Variants in CNTF observed in about 807,000 individuals in gnomAD.
CNTF encodes Ciliary Neuronotrophic Factor.
In CNTF, 14 loss-of-function variants were observed where a neutral mutation model predicts 13.0. The ratio of observed to expected loss-of-function variants is 1.07; its 90% CI spans 0.71 to 1.68. CNTF has a LOEUF of 1.68. CNTF is among the 40% of genes most tolerant of loss of function. The pLI is 0.00. For missense variants in CNTF, 283 were observed against 252.5 expected (o/e 1.12, Z -0.82); for synonymous variants, 98 against 92.4 (o/e 1.06, Z -0.35).
rs1215052720 is a variant in CNTF, at chr11:58,625,407, G to A, written c.*885G>A. 1 of 152,142 alleles carries A rather than the reference G, an allele frequency of 6.6e-6. No individual in the cohort carries two copies. Among genetic ancestry groups the A allele is most frequent in the African/African-American group, 2.4e-5 (1 of 41,422 alleles). The allele number at this position is 152,142 out of a possible 1,614,324, so 9.4% of individuals were successfully genotyped here. On this transcript the variant is annotated 3_prime_UTR_variant, in exon 2 of 2. Transcript: ENST00000361987. ...GCTGGAGATCTTAAGATTCCATTTT[G>A]GAAAATGATTAGGCCCGCCAAACTT...
Position 58,624,709 on chromosome 11 carries a change from A to G in CNTF, c.*187A>G, listed in dbSNP as rs1167946966. 5 of 632,692 alleles carry G rather than the reference A, an allele frequency of 7.9e-6. No homozygotes were observed. The East Asian group carries it at 1.5e-4, about 19-fold the overall frequency. 39.2% of individuals were successfully genotyped at this position (632,692 alleles called of 1,614,324 possible). ...ATTTTCATCAAGTAGCGTTGGAGAC[A>G]TACACAAATGGGCATACAAGTTTAG... On this transcript the variant is annotated 3_prime_UTR_variant, in exon 2 of 2. Coordinates refer to ENST00000361987, the MANE Select transcript of CNTF (RefSeq NM_000614.4).
rs753993650 is a variant in CNTF at position 58,624,287 on chromosome 11, T to G, written c.368T>G (p.Ile123Arg). The G allele has an allele frequency of 4.6e-5, 75 of 1,613,078 alleles. 1 individual carries two copies. The Admixed American group carries it at 1.2e-3, about 26-fold the overall frequency. The change falls in exon 2 of 2, where the codon ATA becomes AGA. Residue 123 changes from isoleucine (I) to arginine (R), a missense_variant. By Grantham distance (97) the Ile-to-Arg change is moderately conservative. Transcript: ENST00000361987. ...LLQVAAFAYQIEELMILLEYK... is the reference protein window; with the variant it reads ...LLQVAAFAYQREELMILLEYK... ...CAAGTCGCTGCCTTTGCATACCAGA[T>G]AGAGGAGTTAATGATACTCCTGGAA...
chr11:58,624,975 A>G lies in CNTF; in HGVS notation c.*453A>G, dbSNP rs991862502. The stretch of plus-strand genomic sequence containing the variant: ...AGTTGATTTAAACTCTTAGAGAATA[A>G]GAATAATAATGGCTAACTTTTATTA... On this transcript the variant is annotated 3_prime_UTR_variant, in exon 2 of 2. Coordinates refer to ENST00000361987, the MANE Select transcript of CNTF (RefSeq NM_000614.4). The G allele has an allele frequency of 2.3e-5, 4 of 174,438 alleles. No homozygotes were observed. The highest frequency in any genetic ancestry group is 2.8e-3 in the Middle Eastern group (1 of 362). The allele number at this position is 174,438 out of a possible 1,614,324, so 10.8% of individuals were successfully genotyped here.
intron 1 of CNTF, 55 bp from the exon 2 acceptor site, chr11:58,623,979 T>G (rs1350489826): frequency 6.3e-7 from 1 of 1,581,850 alleles, no homozygotes. Flanking sequence ...AGGGGTGATT[T>G]AAGGACACTG....
At position 58,622,852 on chromosome 11, in the gene CNTF, C is replaced by T; in HGVS notation, c.100C>T (p.Leu34Phe). Reference protein sequence around the residue: ...ARKIRSDLTALTESYVKHQGL... With the variant: ...ARKIRSDLTAFTESYVKHQGL... Reference sequence around the variant, plus strand: ...GAAGATTCGTTCAGACCTGACTGCTCTTACGGAATCCTATGTAAGTTGCCT... The same window carrying T: ...GAAGATTCGTTCAGACCTGACTGCTTTTACGGAATCCTATGTAAGTTGCCT... Residue 34 changes from leucine (L) to phenylalanine (F), a missense_variant, in exon 1 of 2, where the codon CTT becomes TTT. Physicochemically the swap from Leu to Phe is conservative, Grantham distance 22. Coordinates refer to ENST00000361987, the MANE Select transcript of CNTF (RefSeq NM_000614.4). The T allele has an allele frequency of 6.2e-7, 1 of 1,613,314 alleles. No homozygotes were observed.
intron 1 of CNTF, among the ~76,000 whole-genome samples, chr11:58,623,818 A>G (rs1407045546): frequency 6.6e-6 from 1 of 152,230 alleles, no homozygotes; most frequent in Admixed American, 6.5e-5. Flanking sequence ...TCTTCTAAGA[A>G]AAATCCATAG....
rs1206490229 is a variant in CNTF at position 58,622,745 on chromosome 11, G to A, written c.-8G>A. 2 of 1,609,044 alleles carry A rather than the reference G, an allele frequency of 1.2e-6. No homozygotes were observed. The highest frequency in any genetic ancestry group is 3.3e-5 in the Admixed American group (2 of 59,956). On this transcript the variant is annotated 5_prime_UTR_variant, in exon 1 of 2. Transcript: ENST00000361987. The stretch of plus-strand genomic sequence containing the variant: ...CTGACTTGTTTCCTGGGACAGTTGA[G>A]TTAAGGGATGGCTTTCACAGAGCAT...
intron 1 of CNTF, 98 bp from the exon 2 acceptor site, chr11:58,623,936 C>A: frequency 6.7e-7 from 1 of 1,490,976 alleles, no homozygotes; most frequent in Non-Finnish European, 9.0e-7. Context: ...GGATCCTTGG[C>A]CAGAGAGATG....
Position 58,624,658 on chromosome 11 carries a change from C to A in CNTF, c.*136C>A. On this transcript the variant is annotated 3_prime_UTR_variant, in exon 2 of 2. Coordinates refer to ENST00000361987, the MANE Select transcript of CNTF (RefSeq NM_000614.4). ...TTTTCTTTCTTTTTTCTCTGACCAC[C>A]TGCAGCCTGTTGAAGGACTACAGGT... is the stretch of plus-strand genomic sequence containing the variant. 1 of 1,014,500 alleles carries A rather than the reference C, an allele frequency of 9.9e-7. No individual in the cohort carries two copies. Among genetic ancestry groups the A allele is most frequent in the Non-Finnish European group, 1.5e-6 (1 of 681,144 alleles). 62.8% of individuals were successfully genotyped at this position (1,014,500 alleles called of 1,614,324 possible).
rs1439391308 is a variant in CNTF, at chr11:58,625,153, ACT to A, written c.*632_*633del. The stretch of plus-strand genomic sequence containing the variant: ...AGCTCACACAGCTAACAAGTAGCAC[ACT>A]GAGTTTGAACACAGATCATTCTCCT... On this transcript the variant is annotated 3_prime_UTR_variant, in exon 2 of 2. Coordinates refer to ENST00000361987, the MANE Select transcript of CNTF (RefSeq NM_000614.4). 1 of 152,752 alleles carries A rather than the reference ACT, an allele frequency of 6.5e-6. No individual in the cohort carries two copies. Among genetic ancestry groups the A allele is most frequent in the Non-Finnish European group, 1.5e-5 (1 of 68,424 alleles). 9.5% of individuals were successfully genotyped at this position (152,752 alleles called of 1,614,324 possible). A position where few individuals can be genotyped will look rare whatever the true frequency, so the allele number is the denominator to read the frequency against.
rs144681807 is a variant in CNTF, at chr11:58,624,667, G to T, written c.*145G>T. The T allele has an allele frequency of 6.8e-6, 6 of 884,014 alleles. No homozygotes were observed. In the South Asian group the frequency reaches 9.4e-5, roughly 14 times the overall value. The allele number at this position is 884,014 out of a possible 1,614,324, so 54.8% of individuals were successfully genotyped here. ...TTTTTTCTCTGACCACCTGCAGCCT[G>T]TTGAAGGACTACAGGTATTTTCATC... is the stretch of plus-strand genomic sequence containing the variant. On this transcript the variant is annotated 3_prime_UTR_variant, in exon 2 of 2. Transcript: ENST00000361987.
chr11:58,623,738 G>A (rs1855886172), intron 1 of CNTF, among the ~76,000 whole-genome samples: 1 of 152,100 alleles, frequency 6.6e-6, no homozygotes, highest in East Asian at 1.9e-4. Context: ...TAATGAGAGA[G>A]TTTGAAGTGA....
At position 58,624,678 on chromosome 11, in the gene CNTF, A is replaced by G. The variant is rs1590637680; in HGVS notation, c.*156A>G. On this transcript the variant is annotated 3_prime_UTR_variant, in exon 2 of 2. Transcript: ENST00000361987. ...ACCACCTGCAGCCTGTTGAAGGACT[A>G]CAGGTATTTTCATCAAGTAGCGTTG... The G allele has an allele frequency of 1.2e-6, 1 of 806,284 alleles. No homozygotes were observed. Among genetic ancestry groups the G allele is most frequent in the Non-Finnish European group, 2.0e-6 (1 of 512,754 alleles). 49.9% of individuals were successfully genotyped at this position (806,284 alleles called of 1,614,324 possible). A position where few individuals can be genotyped will look rare whatever the true frequency, so the allele number is the denominator to read the frequency against.
Position 58,622,871 on chromosome 11 carries a change from G to C in CNTF, c.114+5G>C. 1 of 1,606,630 alleles carries C rather than the reference G, an allele frequency of 6.2e-7. No individual in the cohort carries two copies. Among genetic ancestry groups the C allele is most frequent in the Non-Finnish European group, 8.5e-7 (1 of 1,173,712 alleles). ...ACTGCTCTTACGGAATCCTATGTAA[G>C]TTGCCTATTTTGCTGTTATCTGTTT... On this transcript the variant is annotated splice_donor_5th_base_variant and intron_variant, in intron 1 of 1. Coordinates refer to ENST00000361987, the MANE Select transcript of CNTF (RefSeq NM_000614.4).
intron 1 of CNTF, among the ~76,000 whole-genome samples, chr11:58,623,581 C>T (rs1855884283): frequency 6.6e-6 from 1 of 152,190 alleles, no homozygotes; most frequent in Non-Finnish European, 1.5e-5. Context: ...CCTCACCAGA[C>T]AGAAATCAGA....
At position 58,625,656 on chromosome 11, in the gene CNTF, G is replaced by A. The variant is rs559116329; in HGVS notation, c.*1134G>A. 5.3e-5 allele frequency: 8 copies of A among 152,148 alleles called. No homozygotes were observed. Among genetic ancestry groups the A allele is most frequent in the Non-Finnish European group, 1.2e-4 (8 of 68,032 alleles). The allele number at this position is 152,148 out of a possible 1,614,324, so 9.4% of individuals were successfully genotyped here. A position where few individuals can be genotyped will look rare whatever the true frequency, so the allele number is the denominator to read the frequency against. On this transcript the variant is annotated 3_prime_UTR_variant, in exon 2 of 2. Coordinates refer to ENST00000361987, the MANE Select transcript of CNTF (RefSeq NM_000614.4). The stretch of plus-strand genomic sequence containing the variant: ...TTCTGGACTTAGTCATGAGGAGAGG[G>A]TGAGGCCCACTCTGTTCCTACTGGA...
In CNTF at chr11:58,624,285, G is replaced by A. The variant is rs764457928; in HGVS notation, c.366G>A (p.Gln122=). Residue 122 remains glutamine, a synonymous_variant, in exon 2 of 2, where the codon CAG becomes CAA. Coordinates refer to ENST00000361987, the MANE Select transcript of CNTF (RefSeq NM_000614.4). ...TCCAAGTCGCTGCCTTTGCATACCA[G>A]ATAGAGGAGTTAATGATACTCCTGG... ...LLLQVAAFAY[Q]IEELMILLEY... is the part of the protein sequence containing the mutation. 6.8e-6 allele frequency: 11 copies of A among 1,613,778 alleles called. No individual in the cohort carries two copies. The South Asian group carries it at 1.2e-4, about 18-fold the overall frequency.
Position 58,622,773 on chromosome 11 carries a change from A to G in CNTF, c.21A>G (p.Ser7=). MAFTEH[S]PLTPHRRDLC... The stretch of plus-strand genomic sequence containing the variant: ...AAGGGATGGCTTTCACAGAGCATTC[A>G]CCGCTGACCCCTCACCGTCGGGACC... Residue 7 remains serine (S), a synonymous_variant, in exon 1 of 2, where the codon TCA becomes TCG. Transcript: ENST00000361987. The G allele has an allele frequency of 6.2e-7, 1 of 1,613,982 alleles. No homozygotes were observed. Among genetic ancestry groups the G allele is most frequent in the Non-Finnish European group, 8.5e-7 (1 of 1,179,904 alleles).
At chr11:58,623,561 C>G (rs1318402178) in intron 1 of CNTF, among the ~76,000 whole-genome samples, 1 of 152,190 alleles carries the variant, frequency 6.6e-6, no homozygotes, top group Non-Finnish European at 1.5e-5. Flanking sequence ...ACTGATTTAT[C>G]TTTGTACAGC....
Sources: gnomAD v4.1 joint callset for allele counts (sites outside exome capture counted in the v4.1 genomes callset) on GRCh38, gnomAD v4.1.1 for gene constraint, MANE v1.5 for transcripts, NCBI Gene and HGNC (gene_info 2026-07-23, HGNC 2026-07-21) for gene names.